The following PTP4A1 variants were observed in gnomAD, a reference collection of about 807,000 sequenced individuals.
PTP4A1 encodes protein tyrosine phosphatase 4A1.
PTP4A1 carries 9 observed loss-of-function variants against 20.5 expected under a neutral mutation model. That is an observed-to-expected ratio of 0.44 (90% CI 0.26 to 0.77). The LOEUF (loss-of-function observed/expected upper bound fraction) is 0.77, where lower values mean the gene tolerates loss of function less well. Among genes scored for constraint, PTP4A1 ranks in the 30% least tolerant of loss-of-function variants. PTP4A1 has a pLI of 0.19. For missense variants in PTP4A1, 137 were observed against 218.8 expected (o/e 0.63, Z 2.36); for synonymous variants, 78 against 67.4 (o/e 1.16, Z -0.77).
At chr6:63,551,389 C>T (rs1776434182) in intron 3 of PTP4A1, among the ~76,000 whole-genome samples, 2 of 151,996 alleles carry the variant, frequency 1.3e-5, no homozygotes, top group African/African-American at 4.8e-5. Context: ...TGGGCAACAA[C>T]AACAAAAAAT....
At chr6:63,522,766 C>T (rs1774987953) in intron 1 of PTP4A1, among the ~76,000 whole-genome samples, 1 of 151,968 alleles carries the variant, frequency 6.6e-6, no homozygotes, top group Non-Finnish European at 1.5e-5. Context: ...TGTTTTCTAC[C>T]ATGGAAGATT....
Position 63,580,767 on chromosome 6 carries a change from T to C in PTP4A1, c.*593T>C, listed in dbSNP as rs1202688786. On this transcript the variant is annotated 3_prime_UTR_variant, in exon 6 of 6. Coordinates refer to ENST00000626021, the MANE Select transcript of PTP4A1 (RefSeq NM_003463.5). ...TTACCAAGTCTTACAGTGATTATTT[T>C]ACGTGTTTCCATGTATCTCACTTTG... is the stretch of plus-strand genomic sequence containing the variant. 1.3e-5 allele frequency: 2 copies of C among 152,522 alleles called. No homozygotes were observed. Among genetic ancestry groups the C allele is most frequent in the Non-Finnish European group, 1.5e-5 (1 of 68,010 alleles). The allele number at this position is 152,522 out of a possible 1,614,324, so 9.4% of individuals were successfully genotyped here. A position where few individuals can be genotyped will look rare whatever the true frequency, so the allele number is the denominator to read the frequency against.
intron 2 of PTP4A1, among the ~76,000 whole-genome samples, chr6:63,535,329 A>G (rs1047789890): frequency 5.9e-5 from 9 of 152,028 alleles, no homozygotes; most frequent in African/African-American, 2.2e-4. Flanking sequence ...AGCCAGGCAT[A>G]GTGGCATGCT....
At chr6:63,525,709 C>G (rs934017426) in intron 1 of PTP4A1, among the ~76,000 whole-genome samples, 1 of 152,180 alleles carries the variant, frequency 6.6e-6, no homozygotes, top group Non-Finnish European at 1.5e-5. Flanking sequence ...CCTTTCCCCC[C>G]AGGCCTAGTG....
Position 63,578,544 on chromosome 6 carries a change from G to A in PTP4A1, c.198+15G>A. On this transcript the variant is annotated intron_variant, in intron 3 of 5. Transcript: ENST00000626021. ...TCCATGTTCTTGTAAGTATTTAACA[G>A]TTCTTATGGGTTTATGGTGCTGTGC... 2 of 1,606,072 alleles carry A rather than the reference G, an allele frequency of 1.2e-6. No individual in the cohort carries two copies. The highest frequency in any genetic ancestry group is 1.7e-6 in the Non-Finnish European group (2 of 1,177,736).
chr6:63,560,374 G>C (rs1202955878), intron 3 of PTP4A1, among the ~76,000 whole-genome samples: 1 of 145,242 alleles, frequency 6.9e-6, no homozygotes, highest in African/African-American at 2.5e-5. Flanking sequence ...AAGAAAAGAA[G>C]TGAAAAGTAA....
intron 2 of PTP4A1, among the ~76,000 whole-genome samples, chr6:63,535,110 T>TTAGGTAATAAAATACA (rs1341156998): frequency 1.3e-5 from 2 of 151,800 alleles, no homozygotes; most frequent in Admixed American, 6.6e-5. Context: ...AAACAGTATT[T>TTAGGTAATAAAATACA]TAGGTAATAA....
At chr6:63,565,398 TG>T (rs1288195867) in intron 3 of PTP4A1, among the ~76,000 whole-genome samples, 1 of 152,086 alleles carries the variant, frequency 6.6e-6, no homozygotes, top group African/African-American at 2.4e-5. Context: ...GGACAGAGAA[TG>T]GGCATAATAG....
chr6:63,532,727 T>A (rs866767188), intron 2 of PTP4A1, among the ~76,000 whole-genome samples: 1 of 152,130 alleles, frequency 6.6e-6, no homozygotes, highest in Non-Finnish European at 1.5e-5. Flanking sequence ...GTTAAAATAT[T>A]TTATTGTTAC....
intron 3 of PTP4A1, among the ~76,000 whole-genome samples, chr6:63,552,940 G>T (rs1209790642): frequency 1.3e-5 from 2 of 152,144 alleles, no homozygotes; most frequent in Non-Finnish European, 2.9e-5. Flanking sequence ...AGTATAGTTT[G>T]AAGTCCGTTC....
intron 2 of PTP4A1, among the ~76,000 whole-genome samples, chr6:63,537,028 G>C (rs1775757580): frequency 6.6e-6 from 1 of 151,822 alleles, no homozygotes; most frequent in South Asian, 2.1e-4. Flanking sequence ...AGGTTAAATA[G>C]TTTTAAAATT....
upstream of PTP4A1, chr6:63,572,327 A>T: frequency 4.0e-6 from 1 of 247,498 alleles, no homozygotes. Flanking sequence ...CAACCGGTTC[A>T]CACCGGCGGC....
chr6:63,554,401 A>C (rs1776582632), intron 3 of PTP4A1, among the ~76,000 whole-genome samples: 1 of 152,194 alleles, frequency 6.6e-6, no homozygotes, highest in African/African-American at 2.4e-5. Context: ...AATCCTTAGA[A>C]GACTGTTTCA....
intron 3 of PTP4A1, among the ~76,000 whole-genome samples, chr6:63,556,234 A>G (rs1776681674): frequency 6.6e-6 from 1 of 151,256 alleles, no homozygotes; most frequent in South Asian, 2.1e-4. Flanking sequence ...ATCACAGCTC[A>G]CTGCAGCTCT....
At chr6:63,571,169 G>GT (rs1453037809), upstream of PTP4A1, 2 of 151,844 alleles carry the variant, frequency 1.3e-5, no homozygotes, top group African/African-American at 2.4e-5. Context: ...GTTTGTTTTT[G>GT]TTTTTTTAAA....
At position 63,576,840 on chromosome 6, in the gene PTP4A1, T is replaced by A. The variant is rs781528075; in HGVS notation, c.-41T>A. 3.3e-6 allele frequency: 5 copies of A among 1,507,428 alleles called. No individual in the cohort carries two copies. The highest frequency in any genetic ancestry group is 4.5e-6 in the Non-Finnish European group (5 of 1,100,756). The allele number at this position is 1,507,428 out of a possible 1,614,324, so 93.4% of individuals were successfully genotyped here. On this transcript the variant is annotated 5_prime_UTR_variant, in exon 2 of 6. Coordinates refer to ENST00000626021, the MANE Select transcript of PTP4A1 (RefSeq NM_003463.5). ...TCATTTCTGTATTCAATTTTTTTAA[T>A]TATTTCATAACCCTATTGAGTGTTT...
chr6:63,565,210 C>T (rs1007792042), intron 3 of PTP4A1, among the ~76,000 whole-genome samples: 4 of 151,720 alleles, frequency 2.6e-5, no homozygotes, highest in African/African-American at 9.7e-5. Flanking sequence ...CAGGGTCTGA[C>T]TGTGTTGCCC....
At chr6:63,518,899 A>G (rs1774823687), upstream of PTP4A1, among the ~76,000 whole-genome samples, 1 of 152,328 alleles carries the variant, frequency 6.6e-6, no homozygotes, top group African/African-American at 2.4e-5. Flanking sequence ...TTCAGATTTT[A>G]GAAAAAAAAG....
chr6:63,579,383 G>A (rs1265038000), intron 5 of PTP4A1, 52 bp downstream of exon 5: 1 of 1,393,058 alleles, frequency 7.2e-7, no homozygotes, highest in Non-Finnish European at 1.0e-6. Context: ...TCCTTGTTGA[G>A]TGTCAGTGAG....
Sources: gnomAD v4.1 joint callset for allele counts (sites outside exome capture counted in the v4.1 genomes callset) on GRCh38, gnomAD v4.1.1 for gene constraint, MANE v1.5 for transcripts, NCBI Gene and HGNC (gene_info 2026-07-23, HGNC 2026-07-21) for gene names.